Variants in ANKRD10 observed in about 807,000 individuals in gnomAD.
The protein encoded by ANKRD10 is ankyrin repeat domain 10.
In ANKRD10, 14 loss-of-function variants were observed where a neutral mutation model predicts 27.0. The observed-to-expected ratio is 0.52, with a 90% CI of 0.34 to 0.81. ANKRD10 has a LOEUF of 0.81. Among genes scored for constraint, ANKRD10 ranks in the 40% least tolerant of loss-of-function variants. The probability of loss-of-function intolerance (pLI) is 0.01; values close to 1 mark genes in which losing one functional copy is unlikely to be tolerated. For synonymous variants in ANKRD10, 250 were observed against 224.5 expected, an observed-to-expected ratio of 1.11 and a Z score of -1.01; for missense variants, 493 against 544.0, an observed-to-expected ratio of 0.91 and a Z score of 0.93.
chr13:110,891,858 C>T (rs2065082058), intron 4 of ANKRD10, among the ~76,000 whole-genome samples: 1 of 81,016 alleles, frequency 1.2e-5, no homozygotes, highest in Non-Finnish European at 3.9e-5. Flanking sequence ...TCACATTTAC[C>T]TTCTTATTAA....
At chr13:110,889,600 A>G (rs1294336470) in intron 4 of ANKRD10, among the ~76,000 whole-genome samples, 2 of 152,262 alleles carry the variant, frequency 1.3e-5, no homozygotes, top group Non-Finnish European at 2.9e-5. Context: ...TTCCAAAAGA[A>G]AATTCCTCCA....
At position 110,915,013 on chromosome 13, in the gene ANKRD10, C is replaced by G; in HGVS notation, c.-79G>C. 2.7e-6 allele frequency: 4 copies of G among 1,476,180 alleles called. No individual in the cohort carries two copies. Among genetic ancestry groups the G allele is most frequent in the Non-Finnish European group, 2.7e-6 (3 of 1,118,638 alleles). 91.4% of individuals were successfully genotyped at this position (1,476,180 alleles called of 1,614,324 possible). A position where few individuals can be genotyped will look rare whatever the true frequency, so the allele number is the denominator to read the frequency against. On this transcript the variant is annotated 5_prime_UTR_variant, in exon 1 of 6. Transcript: ENST00000267339. Reference sequence around the variant, plus strand: ...GACTCGAGAAGCCGCCGCCGCAGCACAAAGGAACGAGACTAGCGCCGCGGT... The same window carrying G: ...GACTCGAGAAGCCGCCGCCGCAGCAGAAAGGAACGAGACTAGCGCCGCGGT...
intron 3 of ANKRD10, among the ~76,000 whole-genome samples, chr13:110,900,108 C>G (rs145538306): frequency 1.3e-5 from 2 of 152,110 alleles, no homozygotes; most frequent in African/African-American, 4.8e-5. Flanking sequence ...AAATTTATAT[C>G]TAAGAATTCT....
intron 4 of ANKRD10, among the ~76,000 whole-genome samples, chr13:110,888,801 GGT>G (rs1393722014): frequency 6.6e-6 from 1 of 152,104 alleles, no homozygotes; most frequent in Non-Finnish European, 1.5e-5. Flanking sequence ...TTTTCTGTAA[GGT>G]GTTTTTATAT....
chr13:110,900,754 C>G, intron 3 of ANKRD10: 2 of 1,173,108 alleles, frequency 1.7e-6, no homozygotes, highest in Non-Finnish European at 2.3e-6. Context: ...TGATTTAAAA[C>G]GGGCAATGGT....
At chr13:110,890,341 C>G (rs547495435) in intron 4 of ANKRD10, among the ~76,000 whole-genome samples, 5 of 152,238 alleles carry the variant, frequency 3.3e-5, no homozygotes, top group African/African-American at 9.6e-5. Flanking sequence ...TCAGCACTCT[C>G]AGTATGTAAT....
At chr13:110,903,006 TA>T (rs1337154035) in intron 3 of ANKRD10, among the ~76,000 whole-genome samples, 3 of 152,218 alleles carry the variant, frequency 2.0e-5, no homozygotes, top group Non-Finnish European at 4.4e-5. Flanking sequence ...AAGGTCTTCT[TA>T]ATTATCAGCA....
intron 4 of ANKRD10, among the ~76,000 whole-genome samples, chr13:110,888,890 G>A (rs186091685): frequency 8.5e-5 from 13 of 152,338 alleles, no homozygotes; most frequent in Admixed American, 8.5e-4. Context: ...TGTGAAGTCA[G>A]TTTGACACTT....
chr13:110,911,839 T>C (rs1274448437), intron 1 of ANKRD10: 1 of 151,790 alleles, frequency 6.6e-6, no homozygotes. Flanking sequence ...AGTAAACTCG[T>C]CATAGTCAAA....
chr13:110,893,052 CAA>C lies in ANKRD10; in HGVS notation c.665_666del (p.Phe222TrpfsTer6). 3 of 1,614,186 alleles carry C rather than the reference CAA, an allele frequency of 1.9e-6. No individual in the cohort carries two copies. The highest frequency in any genetic ancestry group is 1.7e-6 in the Non-Finnish European group (2 of 1,180,018). On this transcript the variant is annotated frameshift_variant, in exon 4 of 6. Transcript: ENST00000267339. LOFTEE classifies it high-confidence loss of function. ...RKRCLEDSED[F>X]GVKKARTEAQ... is the part of the protein sequence containing the mutation. ...CCTTCAGTTCTAGCTTTCTTTACTC[CAA>C]AGTCTTCTGAGTCTTCCAAGCATCT...
chr13:110,898,587 TA>T (rs949096205), intron 3 of ANKRD10, among the ~76,000 whole-genome samples: 29 of 152,130 alleles, frequency 1.9e-4, no homozygotes, highest in African/African-American at 6.7e-4. Context: ...CTGTTTGTTT[TA>T]AACAGGGTCT....
rs747831563 is a variant in ANKRD10, at chr13:110,879,812, G to T, written c.1088C>A (p.Ser363Tyr). 6.2e-7 allele frequency: 1 copy of T among 1,614,224 alleles called. No individual in the cohort carries two copies. The highest frequency in any genetic ancestry group is 8.5e-7 in the Non-Finnish European group (1 of 1,180,044). ...GTTATCCCCAATGTCTTCCACCCAG[G>T]AAGGCCTACTGGCTATGCAGCTACT... ...SPSSCIASRPSWVEDIGDNLY... is the reference protein window; with the variant it reads ...SPSSCIASRPYWVEDIGDNLY... Residue 363 changes from serine to tyrosine, a missense_variant, in exon 6 of 6, where the codon TCC (serine) becomes TAC (tyrosine). Coordinates refer to ENST00000267339, the MANE Select transcript of ANKRD10 (RefSeq NM_017664.4).
rs574645760 is a variant in ANKRD10 at position 110,900,820 on chromosome 13, G to A, written c.455+5213C>T. 3.3e-5 allele frequency: 18 copies of A among 549,494 alleles called. 1 individual carries two copies. Among genetic ancestry groups the A allele is most frequent in the South Asian group, 3.2e-4 (18 of 56,876 alleles). The allele number at this position is 549,494 out of a possible 1,614,324, so 34.0% of individuals were successfully genotyped here. A position where few individuals can be genotyped will look rare whatever the true frequency, so the allele number is the denominator to read the frequency against. On this transcript the variant is annotated intron_variant, in intron 3 of 5. Transcript: ENST00000267339. The stretch of plus-strand genomic sequence containing the variant: ...ATCACATATTTGCAGGCAACATTTG[G>A]ATTAAAAATACATAGACAACATAAG...
intron 1 of ANKRD10, among the ~76,000 whole-genome samples, chr13:110,913,623 G>A (rs2065786505): frequency 6.6e-6 from 1 of 152,166 alleles, no homozygotes; most frequent in South Asian, 2.1e-4. Context: ...TGTAGCACCA[G>A]GGGCAGCAAG....
At chr13:110,903,372 A>G (rs1048406400) in intron 3 of ANKRD10, 1 of 153,520 alleles carries the variant, frequency 6.5e-6, no homozygotes, top group Admixed American at 6.5e-5. Context: ...AATAATAATG[A>G]CCAACATATA....
At chr13:110,913,439 CACA>C (rs948949875) in intron 1 of ANKRD10, among the ~76,000 whole-genome samples, 1 of 152,214 alleles carries the variant, frequency 6.6e-6, no homozygotes, top group Non-Finnish European at 1.5e-5. Context: ...ACTACGGTTG[CACA>C]ACTTCAGAGA....
intron 3 of ANKRD10, chr13:110,894,790 T>C (rs2065185157): frequency 1.3e-5 from 2 of 152,224 alleles, no homozygotes; most frequent in Admixed American, 1.3e-4. Context: ...CCATGAGTAT[T>C]TTCTAGTATT....
At chr13:110,884,266 T>C (rs1366314358) in intron 4 of ANKRD10, among the ~76,000 whole-genome samples, 1 of 152,218 alleles carries the variant, frequency 6.6e-6, no homozygotes, top group Non-Finnish European at 1.5e-5. Flanking sequence ...CTGTCAGCAC[T>C]GTCCCAGAGT....
At chr13:110,899,257 A>C (rs1274112295) in intron 3 of ANKRD10, 1 of 152,218 alleles carries the variant, frequency 6.6e-6, no homozygotes, top group Non-Finnish European at 1.5e-5. Flanking sequence ...GAGTCTCAAA[A>C]ACTATTTTGA....
Sources: allele counts gnomAD v4.1 joint callset (sites outside exome capture counted in the v4.1 genomes callset), GRCh38; gene constraint gnomAD v4.1.1; transcripts MANE v1.5; gene names NCBI Gene and HGNC (gene_info 2026-07-23, HGNC 2026-07-21).